PHEX: variants seen among roughly 807,000 people sequenced by gnomAD.
PHEX encodes phosphate regulating endopeptidase X-linked, also known as phosphate-regulating neutral endopeptidase PHEX.
Under a neutral mutation model 68.0 loss-of-function variants are expected in PHEX, and 16 were observed. That is an observed-to-expected ratio of 0.24 (90% confidence interval 0.16 to 0.36). The LOEUF (loss-of-function observed/expected upper bound fraction) is 0.36. PHEX is among the 10% of genes least tolerant of loss of function. The pLI is 1.00. For synonymous variants in PHEX, 208 were observed against 205.1 expected (o/e 1.01, Z -0.12); for missense variants, 480 against 575.5 (o/e 0.83, Z 1.70).
chrX:22,097,081 T>C (rs1930175855), intron 8 of PHEX, 43 bp downstream of exon 8: 1 of 889,831 alleles, frequency 1.1e-6, no homozygotes, highest in Non-Finnish European at 1.7e-6. Context: ...AACTCATCAT[T>C]TTAGAAGGGA....
chrX:22,177,647 AT>A (rs755749850), intron 13 of PHEX, among the ~76,000 whole-genome samples: 1 of 112,134 alleles, frequency 8.9e-6, no homozygotes, highest in South Asian at 3.7e-4. Flanking sequence ...ATAATCTATG[AT>A]TTGCCTCTGT....
At chrX:22,238,795 T>C (rs1176253063) in intron 20 of PHEX, among the ~76,000 whole-genome samples, 1 of 111,558 alleles carries the variant, frequency 9.0e-6, no homozygotes, top group East Asian at 2.8e-4. Flanking sequence ...ACAGAGCATC[T>C]AGGGGAAGGG....
rs753587450 is a variant in PHEX, at chrX:22,177,714, G to C, written c.1483-559G>C. Among the ~76,000 whole-genome samples the C allele has an allele frequency of 2.0e-4, 22 of 111,877 alleles. No homozygotes were observed. In the South Asian group the frequency reaches 7.4e-3, roughly 38 times the overall value. ...TTTTGAGTGTTAACAGATACATTCT[G>C]TTAATAATTATTCTGGTGACTTCAT... is the stretch of plus-strand genomic sequence containing the variant. On this transcript the variant is annotated intron_variant, in intron 13 of 21. Transcript: ENST00000379374.
chrX:22,112,960 A>G (rs1328210061), intron 10 of PHEX, among the ~76,000 whole-genome samples: 2 of 110,157 alleles, frequency 1.8e-5, no homozygotes, highest in Non-Finnish European at 3.8e-5. Flanking sequence ...AACTATATAT[A>G]TATTTAGGTC....
chrX:22,044,996 C>A (rs1927459339), intron 2 of PHEX, among the ~76,000 whole-genome samples: 2 of 108,669 alleles, frequency 1.8e-5, no homozygotes, highest in African/African-American at 3.4e-5. Context: ...CAGTGTTTGG[C>A]TTCTAAACCA....
At chrX:22,096,885 A>G in intron 7 of PHEX, 70 bp from the exon 8 acceptor site, 2 of 807,956 alleles carry the variant, frequency 2.5e-6, no homozygotes, top group Admixed American at 2.2e-5. Flanking sequence ...GTTTTGGCAC[A>G]TGTAGGAAGT....
At chrX:22,229,723 G>T (rs1435252995) in intron 20 of PHEX, among the ~76,000 whole-genome samples, 1 of 112,057 alleles carries the variant, frequency 8.9e-6, no homozygotes, top group African/African-American at 3.2e-5. Context: ...TTCTTTGGCT[G>T]TGCAGAAGCT....
intron 16 of PHEX, among the ~76,000 whole-genome samples, chrX:22,214,869 A>G (rs776283597): frequency 1.4e-4 from 16 of 112,149 alleles, no homozygotes; most frequent in Non-Finnish European, 2.3e-4. Flanking sequence ...AAATCCATTA[A>G]TAATATCCCA....
At chrX:22,187,554 C>T (rs1431461408) in intron 14 of PHEX, among the ~76,000 whole-genome samples, 1 of 111,502 alleles carries the variant, frequency 9.0e-6, no homozygotes, top group Non-Finnish European at 1.9e-5. Flanking sequence ...TTTTAAGGTC[C>T]TTAAGCTTAA....
chrX:22,077,015 G>A (rs968805212), intron 4 of PHEX, among the ~76,000 whole-genome samples: 11 of 112,464 alleles, frequency 9.8e-5, no homozygotes, highest in African/African-American at 3.2e-4. Context: ...CCTGTGGGAA[G>A]TGTGTCAACT....
rs1403452727 is a variant in PHEX at position 22,190,520 on chromosome X, G to T, written c.1645+18G>T. 9.3e-7 allele frequency: 1 copy of T among 1,080,385 alleles called. No homozygotes were observed. The highest frequency in any genetic ancestry group is 1.8e-5 in the South Asian group (1 of 54,160). The allele number at this position is 1,080,385 out of a possible 1,213,427, so 89.0% of individuals were successfully genotyped here. A position where few individuals can be genotyped will look rare whatever the true frequency, so the allele number is the denominator to read the frequency against. On this transcript the variant is annotated intron_variant, in intron 15 of 21. Coordinates refer to ENST00000379374, the MANE Select transcript of PHEX (RefSeq NM_000444.6). ...CCAGATCCGTGAGTACGGGTTCCTT[G>T]TCTCCTTGGTAACCTGGTATAAAAT... is the stretch of plus-strand genomic sequence containing the variant.
intron 20 of PHEX, among the ~76,000 whole-genome samples, chrX:22,243,824 A>G (rs1936306494): frequency 1.8e-5 from 2 of 112,394 alleles, no homozygotes; most frequent in East Asian, 2.8e-4. Flanking sequence ...ACGCTTTTAC[A>G]TTGTTGGTGG....
chrX:22,110,967 T>C (rs1023718980), intron 9 of PHEX, among the ~76,000 whole-genome samples: 3 of 111,826 alleles, frequency 2.7e-5, no homozygotes, highest in South Asian at 3.8e-4. Flanking sequence ...AGCAGGCACA[T>C]CTTTGGGATG....
rs770079813 is a variant in PHEX at position 22,241,345 on chromosome X, C to T, written c.2071-3988C>T. Among the ~76,000 whole-genome samples, 330 of 111,263 alleles carry T rather than the reference C, an allele frequency of 3.0e-3. 4 individuals carry two copies. The highest frequency in any genetic ancestry group is 0.01 in the African/African-American group (310 of 30,607). The stretch of plus-strand genomic sequence containing the variant: ...AGCAGGAAAGATCTAAAATTGACAC[C>T]CTAACATCACAATTAAAAGTACTAG... On this transcript the variant is annotated intron_variant, in intron 20 of 21. Transcript: ENST00000379374.
Position 22,077,489 on chromosome X carries a change from A to G in PHEX, c.450A>G (p.Lys150=), listed in dbSNP as rs768868675. The G allele has an allele frequency of 9.9e-6, 12 of 1,209,015 alleles. No individual in the cohort carries two copies. The Admixed American group carries it at 2.6e-4, about 26-fold the overall frequency. The stretch of plus-strand genomic sequence containing the variant: ...GCTCCCTTTCAGAAGCGATTGAAAA[A>G]GCAGATGCCAAGCCACTGCTACACA... The part of the protein sequence containing the change: ...SSCMNEKAIE[K]ADAKPLLHIL... Residue 150 remains lysine, a synonymous_variant, in exon 5 of 22, where the codon AAA becomes AAG. Coordinates refer to ENST00000379374, the MANE Select transcript of PHEX (RefSeq NM_000444.6).
rs200585038 is a variant in PHEX, at chrX:22,094,102, A to G, written c.849+3A>G. The G allele has an allele frequency of 8.3e-4, 840 of 1,006,560 alleles. No homozygotes were observed. The highest frequency in any genetic ancestry group is 1.0e-3 in the Non-Finnish European group (737 of 710,877). The allele number at this position is 1,006,560 out of a possible 1,213,427, so 83.0% of individuals were successfully genotyped here. ...GATTGGAAATTAAGATAGCTGAGGT[A>G]AGTCTTCACTGAAAATCTCTTTCTT... On this transcript the variant is annotated splice_donor_region_variant and intron_variant, in intron 7 of 21. Coordinates refer to ENST00000379374, the MANE Select transcript of PHEX (RefSeq NM_000444.6).
At chrX:22,050,361 T>C (rs1436285411) in intron 3 of PHEX, among the ~76,000 whole-genome samples, 4 of 111,045 alleles carry the variant, frequency 3.6e-5, no homozygotes, top group Admixed American at 2.9e-4. Flanking sequence ...GTGGATCACC[T>C]TCAGGTCAGA....
In PHEX at chrX:22,233,859, C is replaced by T. The variant is rs377157568; in HGVS notation, c.2070+6248C>T. 4.7e-4 allele frequency among the ~76,000 whole-genome samples: 53 copies of T among 111,749 alleles called. 1 individual carries two copies. Among genetic ancestry groups the T allele is most frequent in the African/African-American group, 1.2e-3 (36 of 30,698 alleles). On this transcript the variant is annotated intron_variant, in intron 20 of 21. Transcript: ENST00000379374. ...CCGTCCAGTTTTGTTCCCTTGCTGG[C>T]GAGGTGTTGTGATCCTTTGGAGGAG...
chrX:22,068,610 T>A (rs771547803), intron 3 of PHEX, among the ~76,000 whole-genome samples: 1 of 112,087 alleles, frequency 8.9e-6, no homozygotes, highest in African/African-American at 3.2e-5. Flanking sequence ...CAAGTTCTTA[T>A]AGTTTTCTTG....
Sources: gnomAD v4.1 joint callset for allele counts (sites outside exome capture counted in the v4.1 genomes callset) on GRCh38, gnomAD v4.1.1 for gene constraint, MANE v1.5 for transcripts, NCBI Gene and HGNC (gene_info 2026-07-23, HGNC 2026-07-21) for gene names.